Variants in HUNK observed in about 807,000 individuals in gnomAD.
HUNK encodes hormonally up-regulated neu tumor-associated kinase.
HUNK carries 21 observed loss-of-function variants against 61.0 expected under a neutral mutation model. The observed-to-expected ratio is 0.34, with a 90% CI of 0.24 to 0.50. The LOEUF is 0.50. Ranked by LOEUF, HUNK falls within the 20% of genes least tolerant of loss-of-function variation. The pLI is 0.98. For missense variants in HUNK, 772 were observed against 945.7 expected (o/e 0.82, Z 2.41); for synonymous variants, 371 against 386.1 (o/e 0.96, Z 0.46).
chr21:31,894,474 C>T (rs546492036), intron 1 of HUNK, among the ~76,000 whole-genome samples: 36 of 152,272 alleles, frequency 2.4e-4, no homozygotes, highest in South Asian at 4.1e-4. Flanking sequence ...ACAAACGTTA[C>T]CTTTACTTGG....
chr21:32,000,427 C>A lies in HUNK; in HGVS notation c.*1243C>A, dbSNP rs2053238594. 2 of 399,160 alleles carry A rather than the reference C, an allele frequency of 5.0e-6. No individual in the cohort carries two copies. The highest frequency in any genetic ancestry group is 2.5e-4 in the South Asian group (2 of 7,856). 24.7% of individuals were successfully genotyped at this position (399,160 alleles called of 1,614,324 possible). ...CAAAGATGTGTCTCCAGTATTGTGTCTGTGCCCCTGTGTGTGTTTTGTGGA... is the reference window on the plus strand; with the variant it reads ...CAAAGATGTGTCTCCAGTATTGTGTATGTGCCCCTGTGTGTGTTTTGTGGA... On this transcript the variant is annotated 3_prime_UTR_variant, in exon 11 of 11. Transcript: ENST00000270112.
chr21:31,962,755 T>A (rs1304981637), intron 5 of HUNK, among the ~76,000 whole-genome samples: 3 of 152,264 alleles, frequency 2.0e-5, no homozygotes, highest in African/African-American at 7.2e-5. Context: ...TATTGGGATA[T>A]AGAAATATCT....
At chr21:31,949,087 A>G (rs1183490636) in intron 4 of HUNK, among the ~76,000 whole-genome samples, 1 of 152,178 alleles carries the variant, frequency 6.6e-6, no homozygotes, top group African/African-American at 2.4e-5. Context: ...AGTGGTGAGC[A>G]CTGCCTAGAG....
intron 6 of HUNK, 162 bp from the exon 7 acceptor site, chr21:31,974,393 A>G: frequency 1.6e-6 from 1 of 634,748 alleles, no homozygotes. Flanking sequence ...AAGTGATTGT[A>G]CTATTCCCTC....
intron 5 of HUNK, among the ~76,000 whole-genome samples, chr21:31,960,678 G>A (rs1203769503): frequency 1.3e-5 from 2 of 152,056 alleles, no homozygotes; most frequent in Non-Finnish European, 2.9e-5. Flanking sequence ...CTTGTGCAGG[G>A]GAAATCCTAT....
intron 9 of HUNK, among the ~76,000 whole-genome samples, chr21:31,994,602 A>G (rs2053191016): frequency 6.6e-6 from 1 of 152,218 alleles, no homozygotes; most frequent in African/African-American, 2.4e-5. Flanking sequence ...CACCAAACAC[A>G]GGCTTTAGGG....
intron 2 of HUNK, among the ~76,000 whole-genome samples, chr21:31,936,141 A>G (rs958077543): frequency 2.0e-5 from 3 of 152,130 alleles, no homozygotes; most frequent in Non-Finnish European, 4.4e-5. Flanking sequence ...GGGTGTGCCA[A>G]CGTTTGTTTA....
intron 6 of HUNK, among the ~76,000 whole-genome samples, chr21:31,970,274 G>C (rs1165713139): frequency 6.6e-6 from 1 of 152,198 alleles, no homozygotes; most frequent in Non-Finnish European, 1.5e-5. Context: ...GGGCGTGGGA[G>C]TCTGCATCCA....
rs552770267 is a variant in HUNK, at chr21:31,959,795, T to C, written c.874+825T>C. Among the ~76,000 whole-genome samples the C allele has an allele frequency of 2.9e-3, 448 of 152,368 alleles. 6 individuals are homozygous for C. The highest frequency in any genetic ancestry group is 0.01 in the African/African-American group (430 of 41,586). On this transcript the variant is annotated intron_variant, in intron 5 of 10. Transcript: ENST00000270112. ...ATTTTACTACTGTTATGCATTTTTC[T>C]TCTGAGTTTAAAAGCATGCATGAAG...
rs543150021 is a variant in HUNK, at chr21:31,992,640, G to C, written c.1305+2464G>C. On this transcript the variant is annotated intron_variant, in intron 9 of 10. Transcript: ENST00000270112. ...GGGAAGCCAGGAGTCTCTGCAGGCG[G>C]CAGCCTTGCCGTGTGAGGAGCTTGC... Among the ~76,000 whole-genome samples, 3 of 152,342 alleles carry C rather than the reference G, an allele frequency of 2.0e-5. No individual in the cohort carries two copies. The South Asian group carries it at 6.2e-4, about 32-fold the overall frequency.
intron 1 of HUNK, among the ~76,000 whole-genome samples, chr21:31,874,201 C>G (rs1353123708): frequency 1.1e-5 from 1 of 91,238 alleles, no homozygotes; most frequent in Non-Finnish European, 2.2e-5. Flanking sequence ...CCGTTCTGCT[C>G]GTGGAAGGGC....
intron 2 of HUNK, 139 bp from the exon 3 acceptor site, chr21:31,940,026 G>T: frequency 1.6e-6 from 1 of 642,312 alleles, no homozygotes; most frequent in Non-Finnish European, 2.7e-6. Context: ...ATATTTACTT[G>T]TTGATTGAGT....
chr21:31,903,049 C>T (rs1182425909), intron 1 of HUNK, among the ~76,000 whole-genome samples: 1 of 151,474 alleles, frequency 6.6e-6, no homozygotes, highest in Non-Finnish European at 1.5e-5. Flanking sequence ...ACCAATAAAT[C>T]TTGATTCGAT....
At chr21:31,887,897 C>G (rs1369235869) in intron 1 of HUNK, among the ~76,000 whole-genome samples, 1 of 152,130 alleles carries the variant, frequency 6.6e-6, no homozygotes, top group Non-Finnish European at 1.5e-5. Flanking sequence ...CAGTAAAAAC[C>G]TGCAGGAAAG....
chr21:31,874,059 C>T (rs1433333167), intron 1 of HUNK, 124 bp downstream of exon 1: 8 of 703,210 alleles, frequency 1.1e-5, no homozygotes, highest in East Asian at 3.4e-5. Flanking sequence ...TCCCCCTCCG[C>T]CCGGCTTTCC....
intron 1 of HUNK, among the ~76,000 whole-genome samples, chr21:31,904,116 CG>C (rs1311935053): frequency 6.6e-5 from 10 of 151,622 alleles, no homozygotes; most frequent in Admixed American, 3.3e-4. Flanking sequence ...CAATTAGTCT[CG>C]GTTCTCCATC....
At chr21:31,900,479 A>ACACACAC (rs57151018) in intron 1 of HUNK, among the ~76,000 whole-genome samples, 3 of 151,474 alleles carry the variant, frequency 2.0e-5, no homozygotes, top group Non-Finnish European at 2.9e-5. Context: ...ACACACACAC[A>ACACACAC]AACTCTACTG....
chr21:31,975,499 A>G (rs1349972861), intron 7 of HUNK, among the ~76,000 whole-genome samples: 2 of 152,322 alleles, frequency 1.3e-5, no homozygotes, highest in East Asian at 1.9e-4. Context: ...GACCAGCTCT[A>G]ACAGGGAGTC....
At chr21:31,905,117 T>G (rs1224597647) in intron 1 of HUNK, among the ~76,000 whole-genome samples, 1 of 150,194 alleles carries the variant, frequency 6.7e-6, no homozygotes. Flanking sequence ...AGTGAGGTCC[T>G]GTGGGTGGGC....
Sources: allele counts gnomAD v4.1 joint callset (sites outside exome capture counted in the v4.1 genomes callset), GRCh38; gene constraint gnomAD v4.1.1; transcripts MANE v1.5; gene names NCBI Gene and HGNC (gene_info 2026-07-23, HGNC 2026-07-21).